The following ARHGEF3 variants were observed in gnomAD, a reference collection of about 807,000 sequenced individuals.
ARHGEF3 encodes the protein 59.8 kDA protein.
ARHGEF3 carries 28 observed loss-of-function variants against 63.2 expected under a neutral mutation model. The observed-to-expected ratio is 0.44, with a 90% confidence interval of 0.33 to 0.61. ARHGEF3 has a LOEUF of 0.61. Among genes scored for constraint, ARHGEF3 ranks in the 20% least tolerant of loss-of-function variants. ARHGEF3 has a pLI of 0.03. For missense variants in ARHGEF3, 533 were observed against 659.3 expected (o/e 0.81, Z 2.10); for synonymous variants, 266 against 254.2 (o/e 1.05, Z -0.44).
intron 3 of ARHGEF3, among the ~76,000 whole-genome samples, chr3:56,938,291 C>T (rs1467643466): frequency 6.6e-6 from 1 of 152,150 alleles, no homozygotes; most frequent in Admixed American, 6.5e-5. Flanking sequence ...TTTTAATCTT[C>T]ACACTTATAT....
intron 3 of ARHGEF3, among the ~76,000 whole-genome samples, chr3:56,885,658 C>G (rs988339317): frequency 6.6e-6 from 1 of 152,178 alleles, no homozygotes; most frequent in Non-Finnish European, 1.5e-5. Flanking sequence ...GTTCCCCCAA[C>G]CCAGTTCCTG....
chr3:57,026,583 C>T (rs1703483449), intron 2 of ARHGEF3, among the ~76,000 whole-genome samples: 1 of 152,158 alleles, frequency 6.6e-6, no homozygotes, highest in Non-Finnish European at 1.5e-5. Flanking sequence ...ATGGTCTCCA[C>T]CCAGTGAGGG....
intron 3 of ARHGEF3, among the ~76,000 whole-genome samples, chr3:56,890,322 T>A (rs2041078910): frequency 6.6e-6 from 1 of 152,188 alleles, no homozygotes; most frequent in Non-Finnish European, 1.5e-5. Context: ...GATACGTCAG[T>A]GTCTATAAAG....
chr3:56,804,917 G>A (rs1359974927), upstream of ARHGEF3, among the ~76,000 whole-genome samples: 1 of 152,088 alleles, frequency 6.6e-6, no homozygotes, highest in African/African-American at 2.4e-5. Context: ...GGGCTTGTCT[G>A]GCCACCAAGA....
At chr3:57,003,954 T>C (rs545119672) in intron 2 of ARHGEF3, among the ~76,000 whole-genome samples, 1 of 152,352 alleles carries the variant, frequency 6.6e-6, no homozygotes, top group Admixed American at 6.5e-5. Context: ...AAATGATCAA[T>C]GTGTGTTGTT....
intron 1 of ARHGEF3, among the ~76,000 whole-genome samples, chr3:56,786,423 T>A (rs2036819185): frequency 6.6e-6 from 1 of 152,232 alleles, no homozygotes; most frequent in African/African-American, 2.4e-5. Flanking sequence ...AATGAGCAGA[T>A]GAATAGCTTC....
chr3:56,986,009 C>A (rs1311890982), intron 2 of ARHGEF3, among the ~76,000 whole-genome samples: 1 of 152,180 alleles, frequency 6.6e-6, no homozygotes, highest in Admixed American at 6.5e-5. Flanking sequence ...CAGAAACTTA[C>A]CAAACATCAA....
In ARHGEF3 at chr3:56,864,304, C is replaced by T. The variant is rs2040172769; in HGVS notation, c.192+17988G>A. ...ACCACCTACCAGCTGCATTTGCCTTCAAAGCAGCATGTTCCATCCTGCCAC... is the reference window on the plus strand; with the variant it reads ...ACCACCTACCAGCTGCATTTGCCTTTAAAGCAGCATGTTCCATCCTGCCAC... On this transcript the variant is annotated intron_variant, in intron 4 of 12. Transcript: ENST00000338458. 2.0e-5 allele frequency among the ~76,000 whole-genome samples: 3 copies of T among 152,222 alleles called. 1 individual carries two copies. The South Asian group carries it at 6.2e-4, about 32-fold the overall frequency.
chr3:56,975,956 G>A (rs1484958504), intron 2 of ARHGEF3: 4 of 216,680 alleles, frequency 1.8e-5, no homozygotes, highest in South Asian at 5.4e-5. Flanking sequence ...TTAATAGAAG[G>A]GTAATTTCAA....
At chr3:56,918,907 G>A (rs1011258676) in intron 3 of ARHGEF3, among the ~76,000 whole-genome samples, 4 of 152,164 alleles carry the variant, frequency 2.6e-5, no homozygotes, top group Non-Finnish European at 5.9e-5. Flanking sequence ...AAACCACAAA[G>A]AAGTATATAA....
At chr3:56,852,839 C>G (rs928915696) in intron 4 of ARHGEF3, among the ~76,000 whole-genome samples, 1 of 152,198 alleles carries the variant, frequency 6.6e-6, no homozygotes, top group African/African-American at 2.4e-5. Context: ...CATGTCCCCT[C>G]TATCCTCTCA....
intron 3 of ARHGEF3, among the ~76,000 whole-genome samples, chr3:56,936,049 C>T (rs1698886061): frequency 6.6e-6 from 1 of 152,104 alleles, no homozygotes; most frequent in Non-Finnish European, 1.5e-5. Context: ...AAGAGCTAGC[C>T]AGCTGACTGC....
At chr3:56,755,636 GACC>G (rs1559908743) in intron 2 of ARHGEF3, among the ~76,000 whole-genome samples, 1 of 152,198 alleles carries the variant, frequency 6.6e-6, no homozygotes, top group African/African-American at 2.4e-5. Flanking sequence ...CCCCAGACCT[GACC>G]AATAGAGTAT....
chr3:56,798,535 T>A (rs1468071783), intron 1 of ARHGEF3, among the ~76,000 whole-genome samples: 1 of 58,070 alleles, frequency 1.7e-5, no homozygotes, highest in Non-Finnish European at 4.0e-5. Context: ...TTTCTTTACT[T>A]CGTTTTTTTT....
chr3:56,971,770 C>T (rs946058436), intron 2 of ARHGEF3, among the ~76,000 whole-genome samples: 1 of 151,986 alleles, frequency 6.6e-6, no homozygotes, highest in Non-Finnish European at 1.5e-5. Flanking sequence ...AGGAGAATGG[C>T]GTGAACCCAG....
At chr3:56,874,151 T>C (rs2040515643) in intron 4 of ARHGEF3, among the ~76,000 whole-genome samples, 1 of 152,134 alleles carries the variant, frequency 6.6e-6, no homozygotes, top group Non-Finnish European at 1.5e-5. Flanking sequence ...GGCGGCAGCG[T>C]CAGAACAACC....
At chr3:56,990,976 T>C (rs1477488983) in intron 2 of ARHGEF3, among the ~76,000 whole-genome samples, 1 of 152,188 alleles carries the variant, frequency 6.6e-6, no homozygotes, top group Non-Finnish European at 1.5e-5. Context: ...AAGCCACAAA[T>C]AACAGTCCCT....
chr3:57,051,531 A>G (rs1412293159), intron 1 of ARHGEF3, among the ~76,000 whole-genome samples: 4 of 152,182 alleles, frequency 2.6e-5, no homozygotes, highest in South Asian at 2.1e-4. Context: ...GTAATTACAG[A>G]TAAGGGTTGG....
intron 3 of ARHGEF3, among the ~76,000 whole-genome samples, chr3:56,928,450 T>C (rs2042331358): frequency 6.6e-6 from 1 of 152,128 alleles, no homozygotes; most frequent in Admixed American, 6.5e-5. Context: ...TAATGTCCCT[T>C]AGGTGCTCCT....
Sources: gnomAD v4.1 joint callset for allele counts (sites outside exome capture counted in the v4.1 genomes callset) on GRCh38, gnomAD v4.1.1 for gene constraint, MANE v1.5 for transcripts, NCBI Gene and HGNC (gene_info 2026-07-23, HGNC 2026-07-21) for gene names.